The following CNNM4 variants were observed in gnomAD, a reference collection of about 807,000 sequenced individuals.
The protein encoded by CNNM4 is metal transporter CNNM4.
CNNM4 carries 32 observed loss-of-function variants against 53.7 expected under a neutral mutation model. The observed-to-expected ratio is 0.60, with a 90% CI of 0.45 to 0.80. CNNM4 has a LOEUF of 0.80. CNNM4 is among the 30% of genes least tolerant of loss of function. The pLI, the probability that CNNM4 is intolerant of heterozygous loss-of-function variation, is 0.00. For synonymous variants in CNNM4, 410 were observed against 440.0 expected (o/e 0.93, Z 0.85); for missense variants, 784 against 1,022.0 (o/e 0.77, Z 3.17).
At chr2:96,804,967 G>A (rs915621317) in intron 5 of CNNM4, among the ~76,000 whole-genome samples, 21 of 151,816 alleles carry the variant, frequency 1.4e-4, no homozygotes, top group Non-Finnish European at 2.9e-4. Flanking sequence ...AACCAGCCGA[G>A]GTAACATAGC....
chr2:96,798,103 C>T (rs529451689), intron 3 of CNNM4, among the ~76,000 whole-genome samples: 18 of 152,056 alleles, frequency 1.2e-4, no homozygotes, highest in South Asian at 2.1e-4. Flanking sequence ...GGGACAGTTG[C>T]ATGTCTGTGG....
At chr2:96,787,663 G>T (rs2079026505) in intron 1 of CNNM4, among the ~76,000 whole-genome samples, 1 of 152,078 alleles carries the variant, frequency 6.6e-6, no homozygotes, top group African/African-American at 2.4e-5. Context: ...TTCGAGATCA[G>T]CCTGGGCAGC....
intron 1 of CNNM4, among the ~76,000 whole-genome samples, chr2:96,769,937 C>G (rs2078854529): frequency 6.6e-6 from 1 of 152,330 alleles, no homozygotes; most frequent in African/African-American, 2.4e-5. Flanking sequence ...GGCAGAGGTC[C>G]CAGCAGGGAC....
Position 96,761,695 on chromosome 2 carries a change from T to G in CNNM4, c.696T>G (p.Ile232Met), listed in dbSNP as rs1447797974. The change falls in exon 1 of 7, where the codon ATT becomes ATG. Residue 232 changes from isoleucine to methionine, a missense_variant. This residue lies in a region of CNNM4 where 473 missense variants were observed against 624.6 expected (regional missense o/e 0.76). Transcript: ENST00000377075. This position sits in a 1 kb window ranked among gnomAD's most constrained non-coding sequence, Gnocchi z 6.0. The stretch of plus-strand genomic sequence containing the variant: ...AGGAGAGGCGCTATGCCCGCAAGAT[T>G]GAGCCCATCCGGCGCAAGGGCAACT... ...TEKERRYARK[I>M]EPIRRKGNYL... 6 of 1,609,620 alleles carry G rather than the reference T, an allele frequency of 3.7e-6. No individual in the cohort carries two copies. The African/African-American group carries it at 6.7e-5, about 18-fold the overall frequency.
chr2:96,793,184 G>C (rs1425801698), intron 1 of CNNM4, among the ~76,000 whole-genome samples: 1 of 152,104 alleles, frequency 6.6e-6, no homozygotes, highest in Non-Finnish European at 1.5e-5. Context: ...CCAGGGGAAA[G>C]GAGGGAGTCA....
intron 3 of CNNM4, chr2:96,798,403 T>TCATACTCTCCAGCTCTCCC (rs2079125374): frequency 6.0e-6 from 1 of 165,752 alleles, no homozygotes; most frequent in Admixed American, 5.6e-5. Flanking sequence ...CCAGCTCTGC[T>TCATACTCTCCAGCTCTCCC]CTTACTCTCC....
In CNNM4 at chr2:96,762,159, G is replaced by T; in HGVS notation, c.1160G>T (p.Arg387Leu). ...MTQLQDCFMI[R>L]SDAILDFNTM... is the part of the protein sequence containing the mutation. Reference sequence around the variant, plus strand: ...CAGCTCCAGGACTGCTTCATGATCCGCAGCGATGCCATCCTGGACTTCAAC... The same window carrying T: ...CAGCTCCAGGACTGCTTCATGATCCTCAGCGATGCCATCCTGGACTTCAAC... Residue 387 changes from arginine to leucine, a missense_variant, in exon 1 of 7, where the codon CGC (arginine) becomes CTC (leucine). Transcript: ENST00000377075. 1 of 1,614,106 alleles carries T rather than the reference G, an allele frequency of 6.2e-7. No individual in the cohort carries two copies. Among genetic ancestry groups the T allele is most frequent in the Non-Finnish European group, 8.5e-7 (1 of 1,180,002 alleles).
At chr2:96,779,963 C>T (rs2078959630) in intron 1 of CNNM4, among the ~76,000 whole-genome samples, 1 of 152,062 alleles carries the variant, frequency 6.6e-6, no homozygotes. Flanking sequence ...CCACCACACC[C>T]AGCTAATTTT....
chr2:96,806,533 A>G (rs35173188), intron 5 of CNNM4, among the ~76,000 whole-genome samples: 4,330 of 138,366 alleles, frequency 0.031, 78 homozygotes, highest in Middle Eastern at 0.081. Flanking sequence ...ACACACACAC[A>G]CACGCGCGCG....
chr2:96,780,460 G>A (rs920550072), intron 1 of CNNM4, among the ~76,000 whole-genome samples: 14 of 143,364 alleles, frequency 9.8e-5, no homozygotes, highest in African/African-American at 3.1e-4. Flanking sequence ...GGGCTTCACC[G>A]TGTTGTCCAG....
chr2:96,809,122 G>A (rs748576674), intron 6 of CNNM4, 198 bp from the exon 7 acceptor site: 4 of 1,204,596 alleles, frequency 3.3e-6, no homozygotes, highest in Admixed American at 4.3e-5. Flanking sequence ...GATTACAGGT[G>A]TGAGCCACTG....
At chr2:96,799,405 C>G (rs2079138011) in intron 4 of CNNM4, 147 bp from the exon 5 acceptor site, 2 of 1,096,052 alleles carry the variant, frequency 1.8e-6, no homozygotes. Context: ...CACTCTTGAT[C>G]TCACAGGTCA....
intron 1 of CNNM4, among the ~76,000 whole-genome samples, chr2:96,774,265 G>T (rs902917561): frequency 1.3e-5 from 2 of 152,134 alleles, no homozygotes; most frequent in African/African-American, 4.8e-5. Flanking sequence ...GAGGGAAGAG[G>T]CCACCAGGTG....
rs769192111 is a variant in CNNM4 at position 96,761,656 on chromosome 2, C to T, written c.657C>T (p.Asn219=). 1.1e-5 allele frequency: 17 copies of T among 1,612,366 alleles called. No homozygotes were observed. In the South Asian group the frequency reaches 1.6e-4, roughly 16 times the overall value. The change falls in exon 1 of 7, where the codon AAC becomes AAT. Residue 219 remains asparagine, a synonymous_variant. Coordinates refer to ENST00000377075, the MANE Select transcript of CNNM4 (RefSeq NM_020184.4). This position sits in a 1 kb window ranked among gnomAD's most constrained non-coding sequence, Gnocchi z 6.0. The part of the protein sequence containing the change: ...LDPMELRIVQ[N]CGTEKERRYA... ...CCATGGAGCTGCGCATCGTGCAGAA[C>T]TGTGGCACCGAGAAGGAGAGGCGCT...
chr2:96,801,427 GACAC>G lies in CNNM4; in HGVS notation c.1948+1785_1948+1788del, dbSNP rs1343433508. Among the ~76,000 whole-genome samples the G allele has an allele frequency of 6.6e-6, 1 of 151,930 alleles. No homozygotes were observed. The highest frequency in any genetic ancestry group is 1.5e-5 in the Non-Finnish European group (1 of 67,988). ...ACACATAGCCATAGATACACGCAGA[GACAC>G]ACACAGTGAGAGACCACATGCAGAG... is the stretch of plus-strand genomic sequence containing the variant. On this transcript the variant is annotated intron_variant, in intron 5 of 6. Transcript: ENST00000377075. The surrounding 1 kb of genome is among the most constrained non-coding windows in gnomAD (Gnocchi z 5.6).
At chr2:96,805,440 A>AATTTTTTTTTTTTTTTATTTTTTT (rs2079194974) in intron 5 of CNNM4, among the ~76,000 whole-genome samples, 1 of 87,482 alleles carries the variant, frequency 1.1e-5, no homozygotes. Context: ...TTTTTTTTTT[A>AATTTTTTTTTTTTTTTATTTTTTT]TTATTTTTTT....
At chr2:96,766,598 AGCACACATT>A (rs1341473076) in intron 1 of CNNM4, among the ~76,000 whole-genome samples, 10 of 152,108 alleles carry the variant, frequency 6.6e-5, no homozygotes, top group African/African-American at 2.4e-4. Context: ...CTCTTCTCGT[AGCACACATT>A]GCTCTCTAGC....
intron 1 of CNNM4, among the ~76,000 whole-genome samples, chr2:96,780,150 C>G (rs561906332): frequency 6.6e-6 from 1 of 152,100 alleles, no homozygotes; most frequent in African/African-American, 2.4e-5. Context: ...ACACGATGAC[C>G]TTTTCATTTG....
intron 1 of CNNM4, among the ~76,000 whole-genome samples, chr2:96,764,241 G>C (rs746849303): frequency 5.3e-5 from 8 of 152,192 alleles, no homozygotes; most frequent in Non-Finnish European, 7.3e-5. Flanking sequence ...TGAGAGGGCT[G>C]TCTTTGGGCT....
Sources: gnomAD v4.1 joint callset for allele counts (sites outside exome capture counted in the v4.1 genomes callset) on GRCh38, gnomAD v4.1.1 for gene constraint, gnomAD v4.1.1 regional missense constraint, Gnocchi (gnomAD v3.1) non-coding constraint, MANE v1.5 for transcripts, NCBI Gene and HGNC (gene_info 2026-07-23, HGNC 2026-07-21) for gene names.